ZNF423: variants seen among roughly 807,000 people sequenced by gnomAD.
ZNF423 encodes the protein Ebf-associated zinc finger protein.
ZNF423 carries 12 observed loss-of-function variants against 95.8 expected under a neutral mutation model. That is an observed-to-expected ratio of 0.13 (90% CI 0.08 to 0.20). ZNF423 has a LOEUF of 0.20. Among genes scored for constraint, ZNF423 ranks in the 10% least tolerant of loss-of-function variants. The pLI is 1.00. For missense variants in ZNF423, 1,316 were observed against 1,737.1 expected, an observed-to-expected ratio of 0.76 and a Z score of 4.31; for synonymous variants, 749 against 711.9, an observed-to-expected ratio of 1.05 and a Z score of -0.83.
intron 5 of ZNF423, among the ~76,000 whole-genome samples, chr16:49,568,613 C>G (rs1324015109): frequency 6.6e-6 from 1 of 152,146 alleles, no homozygotes; most frequent in Non-Finnish European, 1.5e-5. Context: ...CCTCCGCCTG[C>G]TCTCCTGCCC....
At chr16:49,658,501 A>G (rs2030013611) in intron 3 of ZNF423, among the ~76,000 whole-genome samples, 1 of 152,182 alleles carries the variant, frequency 6.6e-6, no homozygotes, top group Non-Finnish European at 1.5e-5. Context: ...TTCCACCCCT[A>G]GAGTAATTGT....
intron 1 of ZNF423, among the ~76,000 whole-genome samples, chr16:49,838,635 C>T (rs1172135292): frequency 6.6e-6 from 1 of 152,112 alleles, no homozygotes; most frequent in Non-Finnish European, 1.5e-5. Context: ...CAGCTGTGGG[C>T]TCGACGCCGC....
At chr16:49,504,702 A>G (rs552394638) in intron 7 of ZNF423, among the ~76,000 whole-genome samples, 11 of 152,306 alleles carry the variant, frequency 7.2e-5, no homozygotes, top group African/African-American at 2.4e-4. Flanking sequence ...TAGCAGCCCG[A>G]GACATCCTCA....
At chr16:49,500,497 G>C (rs1405855132) in intron 7 of ZNF423, among the ~76,000 whole-genome samples, 3 of 152,310 alleles carry the variant, frequency 2.0e-5, no homozygotes, top group African/African-American at 7.2e-5. Flanking sequence ...TGCCCTAAAA[G>C]AGCCTGAATC....
intron 1 of ZNF423, among the ~76,000 whole-genome samples, chr16:49,804,982 C>A (rs746548222): frequency 2.0e-5 from 3 of 150,392 alleles, no homozygotes; most frequent in Non-Finnish European, 2.9e-5. Flanking sequence ...TCATTGCAAC[C>A]TCCACCTCCT....
Position 49,637,958 on chromosome 16 carries a change from C to A in ZNF423, c.1218G>T (p.Arg406=). 1 of 1,614,144 alleles carries A rather than the reference C, an allele frequency of 6.2e-7. No individual in the cohort carries two copies. Among genetic ancestry groups the A allele is most frequent in the Non-Finnish European group, 8.5e-7 (1 of 1,180,044 alleles). The change falls in exon 4 of 8, where the codon CGG becomes CGT. Residue 406 remains arginine, a synonymous_variant. Coordinates refer to ENST00000563137, the MANE Select transcript of ZNF423 (RefSeq NM_001379286.1). The surrounding 1 kb of genome is among the most constrained non-coding windows in gnomAD (Gnocchi z 5.6). ...CCTTGGTCCAGCCCTGCCCGTCATCCCGCATCTTCTTCTGCCCCCGCAGCG... is the reference window on the plus strand; with the variant it reads ...CCTTGGTCCAGCCCTGCCCGTCATCACGCATCTTCTTCTGCCCCCGCAGCG... The part of the protein sequence containing the change: ...LKPLRGQKKM[R]DDGQGWTKVV...
chr16:49,801,197 T>C (rs9931526), intron 1 of ZNF423, among the ~76,000 whole-genome samples: 116,857 of 152,202 alleles, frequency 0.77, 45,694 homozygotes, highest in African/African-American at 0.92. Context: ...ACAGCCTGCC[T>C]CTCTGTGCTG....
intron 5 of ZNF423, among the ~76,000 whole-genome samples, chr16:49,559,095 C>A (rs573263912): frequency 6.6e-6 from 1 of 152,344 alleles, no homozygotes; most frequent in East Asian, 1.9e-4. Context: ...TTCTCACCAT[C>A]CCCTGGACTC....
Position 49,520,274 on chromosome 16 carries a change from G to A in ZNF423, c.3849+3350C>T, listed in dbSNP as rs11076486. ...TTCCCTCTCATGTTCCTAATTATTC[G>A]GTTGTGAATTTGCAACAGTTTGTCT... On this transcript the variant is annotated intron_variant, in intron 7 of 7. Coordinates refer to ENST00000563137, the MANE Select transcript of ZNF423 (RefSeq NM_001379286.1). Among the ~76,000 whole-genome samples the A allele has an allele frequency of 2.7e-3, 411 of 152,148 alleles. 1 individual carries two copies. The highest frequency in any genetic ancestry group is 9.5e-3 in the African/African-American group (396 of 41,518).
intron 5 of ZNF423, among the ~76,000 whole-genome samples, chr16:49,616,813 T>A (rs900118609): frequency 2.6e-5 from 4 of 152,152 alleles, no homozygotes; most frequent in Non-Finnish European, 1.5e-5. Context: ...AGCACTGACA[T>A]CTGGTATATA....
At chr16:49,520,906 G>A (rs758504509) in intron 7 of ZNF423, among the ~76,000 whole-genome samples, 1 of 152,172 alleles carries the variant, frequency 6.6e-6, no homozygotes, top group Non-Finnish European at 1.5e-5. Context: ...GTATTTAAAC[G>A]GTCTATAATT....
intron 6 of ZNF423, 81 bp downstream of exon 6, chr16:49,525,282 A>T (rs1000905490): frequency 3.8e-6 from 6 of 1,571,904 alleles, no homozygotes; most frequent in Non-Finnish European, 5.2e-6. Context: ...GAGGAAGAGC[A>T]CACACTGGGA....
intron 7 of ZNF423, among the ~76,000 whole-genome samples, chr16:49,493,741 T>G (rs1189446774): frequency 6.6e-6 from 1 of 151,984 alleles, no homozygotes; most frequent in African/African-American, 2.4e-5. Context: ...AATGTATGGA[T>G]AGGATGTGGA....
At chr16:49,545,268 T>C (rs771454406) in intron 5 of ZNF423, among the ~76,000 whole-genome samples, 16 of 152,196 alleles carry the variant, frequency 1.1e-4, no homozygotes, top group Admixed American at 6.5e-4. Flanking sequence ...GTTGAAAAGA[T>C]AGTAAGTGAC....
intron 7 of ZNF423, among the ~76,000 whole-genome samples, chr16:49,497,779 G>T (rs12446760): frequency 7.2e-5 from 11 of 152,034 alleles, no homozygotes; most frequent in African/African-American, 2.4e-4. Flanking sequence ...CCTTTCCAGG[G>T]GAAGAAGTAG....
chr16:49,803,065 G>C (rs2034606304), intron 1 of ZNF423, among the ~76,000 whole-genome samples: 1 of 151,888 alleles, frequency 6.6e-6, no homozygotes, highest in African/African-American at 2.4e-5. Context: ...GACCAGCCTA[G>C]GCAACATATC....
chr16:49,644,658 C>CAAAAAAAAAAAAAAAA (rs56066766), intron 3 of ZNF423, among the ~76,000 whole-genome samples: 3 of 39,566 alleles, frequency 7.6e-5, no homozygotes, highest in African/African-American at 9.6e-5. Context: ...AACTCTGACT[C>CAAAAAAAAAAAAAAAA]AAAAAAAAAA....
At chr16:49,653,665 G>T (rs903454028) in intron 3 of ZNF423, among the ~76,000 whole-genome samples, 5 of 152,158 alleles carry the variant, frequency 3.3e-5, no homozygotes, top group African/African-American at 1.2e-4. Context: ...GGAAGCAGAT[G>T]CTCTCTCTCC....
upstream of ZNF423, among the ~76,000 whole-genome samples, chr16:49,856,403 G>C (rs936733819): frequency 2.8e-5 from 4 of 142,160 alleles, no homozygotes; most frequent in Non-Finnish European, 6.1e-5. Context: ...GCGGTCGGGA[G>C]CGCGGAAGCT....
Sources: allele counts gnomAD v4.1 joint callset (sites outside exome capture counted in the v4.1 genomes callset), GRCh38; gene constraint gnomAD v4.1.1; non-coding constraint Gnocchi (gnomAD v3.1); transcripts MANE v1.5; gene names NCBI Gene and HGNC (gene_info 2026-07-23, HGNC 2026-07-21).